ELOC: variants seen among roughly 807,000 people sequenced by gnomAD.
ELOC encodes the protein elongin C, also known as elongin-C.
For synonymous variants in ELOC, 40 were observed against 51.3 expected, an observed-to-expected ratio of 0.78 and a Z score of 0.94; for missense variants, 38 against 139.0, an observed-to-expected ratio of 0.27 and a Z score of 3.65.
intron 3 of ELOC, chr8:73,955,673 G>T: frequency 2.1e-6 from 1 of 484,530 alleles, no homozygotes; most frequent in Non-Finnish European, 3.7e-6. Context: ...TCTGAGGCAG[G>T]AGAATTGCCT....
At chr8:73,962,724 G>C (rs1563683373) in intron 1 of ELOC, among the ~76,000 whole-genome samples, 1 of 152,172 alleles carries the variant, frequency 6.6e-6, no homozygotes, top group African/African-American at 2.4e-5. Context: ...CACATCTTAG[G>C]AGCCCTTTGG....
intron 1 of ELOC, among the ~76,000 whole-genome samples, chr8:73,965,282 T>C (rs187690904): frequency 6.6e-5 from 10 of 152,162 alleles, no homozygotes; most frequent in Admixed American, 5.9e-4. Flanking sequence ...TGCAACGAAA[T>C]ACTACTATAC....
chr8:73,962,706 T>C (rs1233278914), intron 1 of ELOC, among the ~76,000 whole-genome samples: 1 of 152,128 alleles, frequency 6.6e-6, no homozygotes, highest in African/African-American at 2.4e-5. Flanking sequence ...TAAGCAACAA[T>C]GCAAAGTCAC....
At chr8:73,947,361 T>C (rs1220015064) in intron 3 of ELOC, among the ~76,000 whole-genome samples, 1 of 152,068 alleles carries the variant, frequency 6.6e-6, no homozygotes, top group Non-Finnish European at 1.5e-5. Flanking sequence ...AGGAAGAAGA[T>C]GGCCATGTAC....
At chr8:73,966,632 C>CTAAA (rs1814994299) in intron 1 of ELOC, among the ~76,000 whole-genome samples, 1 of 151,118 alleles carries the variant, frequency 6.6e-6, no homozygotes, top group African/African-American at 2.4e-5. Context: ...CCAAGCCCGG[C>CTAAA]TAAAATTTCT....
At position 73,954,903 on chromosome 8, in the gene ELOC, A is replaced by C. The variant is rs997275236; in HGVS notation, c.148+1008T>G. Among the ~76,000 whole-genome samples the C allele has an allele frequency of 4.6e-5, 7 of 150,814 alleles. No individual in the cohort carries two copies. In the East Asian group the frequency reaches 1.4e-3, roughly 30 times the overall value. ...CAAAAAATTAGCCAGGCGTGGTGGT[A>C]GGTGCCTGTAATCCCAGCTACTCGG... On this transcript the variant is annotated intron_variant, in intron 3 of 3. Coordinates refer to ENST00000520242, the MANE Select transcript of ELOC (RefSeq NM_005648.4).
At chr8:73,957,982 G>C (rs1044157070) in intron 2 of ELOC, among the ~76,000 whole-genome samples, 1 of 151,870 alleles carries the variant, frequency 6.6e-6, no homozygotes, top group African/African-American at 2.4e-5. Context: ...TCACCATGTT[G>C]GTCAGGATGT....
At chr8:73,950,637 C>T (rs1813691668) in intron 3 of ELOC, among the ~76,000 whole-genome samples, 1 of 152,082 alleles carries the variant, frequency 6.6e-6, no homozygotes, top group African/African-American at 2.4e-5. Context: ...AGCCTGACAA[C>T]CTGGAACCCA....
At chr8:73,953,974 T>C (rs1016694208) in intron 3 of ELOC, among the ~76,000 whole-genome samples, 1 of 152,238 alleles carries the variant, frequency 6.6e-6, no homozygotes, top group African/African-American at 2.4e-5. Flanking sequence ...AATTGTGGTG[T>C]ATTCACATCT....
intron 1 of ELOC, among the ~76,000 whole-genome samples, chr8:73,960,246 T>C (rs1345959701): frequency 6.6e-6 from 1 of 152,194 alleles, no homozygotes; most frequent in East Asian, 1.9e-4. Context: ...ATTCTTTTTC[T>C]GGATAAAGGC....
At chr8:73,960,076 T>C (rs1814487043) in intron 1 of ELOC, among the ~76,000 whole-genome samples, 1 of 152,194 alleles carries the variant, frequency 6.6e-6, no homozygotes. Flanking sequence ...ATATAATCAT[T>C]ATAAATTGAT....
At chr8:73,970,001 C>A (rs79435975) in intron 1 of ELOC, among the ~76,000 whole-genome samples, 271 of 152,232 alleles carry the variant, frequency 1.8e-3, no homozygotes, top group African/African-American at 6.3e-3. Context: ...TAAATATGAC[C>A]ATAGCTGGCC....
intron 1 of ELOC, chr8:73,970,529 C>T (rs1049511295): frequency 2.0e-5 from 3 of 152,034 alleles, no homozygotes; most frequent in African/African-American, 7.3e-5. Flanking sequence ...TAAACAGGGA[C>T]CCCAAATCAT....
chr8:73,971,339 TGCA>T (rs1394661808), intron 1 of ELOC, among the ~76,000 whole-genome samples: 1 of 152,132 alleles, frequency 6.6e-6, no homozygotes, highest in Non-Finnish European at 1.5e-5. Flanking sequence ...AGGCAGAGGT[TGCA>T]GCAAGCTGAA....
At chr8:73,971,749 AC>A (rs1815421587) in intron 1 of ELOC, 1 of 152,240 alleles carries the variant, frequency 6.6e-6, no homozygotes, top group African/African-American at 2.4e-5. Context: ...GACACGAGGA[AC>A]AAGCAGAAAG....
At chr8:73,948,007 AC>A (rs1374935126) in intron 3 of ELOC, among the ~76,000 whole-genome samples, 1 of 152,070 alleles carries the variant, frequency 6.6e-6, no homozygotes, top group Non-Finnish European at 1.5e-5. Context: ...AGCCTGACTA[AC>A]ATAGTGAAAC....
At chr8:73,965,851 C>G (rs897599275) in intron 1 of ELOC, among the ~76,000 whole-genome samples, 2 of 152,078 alleles carry the variant, frequency 1.3e-5, no homozygotes, top group East Asian at 3.9e-4. Flanking sequence ...CAAATGCTAA[C>G]AGAGGAGGAA....
In ELOC at chr8:73,955,966, T is replaced by G; in HGVS notation, c.93A>C (p.Val31=). The G allele has an allele frequency of 6.2e-7, 1 of 1,614,144 alleles. No individual in the cohort carries two copies. Among genetic ancestry groups the G allele is most frequent in the Non-Finnish European group, 8.5e-7 (1 of 1,179,978 alleles). ...CTGATGTTAATGCATGTTCTCTTTTTACAATAAATTCATGGCCATCAGATG... is the reference window on the plus strand; with the variant it reads ...CTGATGTTAATGCATGTTCTCTTTTGACAATAAATTCATGGCCATCAGATG... The part of the protein sequence containing the change: ...LISSDGHEFI[V]KREHALTSGT... The change falls in exon 3 of 4, where the codon GTA becomes GTC. Residue 31 remains valine, a synonymous_variant. Coordinates refer to ENST00000520242, the MANE Select transcript of ELOC (RefSeq NM_005648.4).
Position 73,955,800 on chromosome 8 carries a change from A to G in ELOC, c.148+111T>C, listed in dbSNP as rs767795265. 2.5e-6 allele frequency: 3 copies of G among 1,214,570 alleles called. No individual in the cohort carries two copies. In the African/African-American group the frequency reaches 4.6e-5, roughly 19 times the overall value. 75.2% of individuals were successfully genotyped at this position (1,214,570 alleles called of 1,614,324 possible). A position where few individuals can be genotyped will look rare whatever the true frequency, so the allele number is the denominator to read the frequency against. On this transcript the variant is annotated intron_variant, in intron 3 of 3. Transcript: ENST00000520242. ...AAGAACAAAAACATAATCATACAAC[A>G]ATGTTAGAAGACTTATTTTCTCTTT...
Sources: gnomAD v4.1 joint callset for allele counts (sites outside exome capture counted in the v4.1 genomes callset) on GRCh38, gnomAD v4.1.1 for gene constraint, MANE v1.5 for transcripts, NCBI Gene and HGNC (gene_info 2026-07-23, HGNC 2026-07-21) for gene names.